The following DAB1 variants were observed in gnomAD, a reference collection of about 807,000 sequenced individuals.
DAB1 encodes DAB adaptor protein 1.
In DAB1, 15 loss-of-function variants were observed where a neutral mutation model predicts 64.6. That is an observed-to-expected ratio of 0.23 (90% CI 0.16 to 0.36). The LOEUF (loss-of-function observed/expected upper bound fraction) is 0.36, where lower values mean the gene tolerates loss of function less well. DAB1 is among the 10% of genes least tolerant of loss of function. The pLI, the probability that DAB1 is intolerant of heterozygous loss-of-function variation, is 1.00. For synonymous variants in DAB1, 235 were observed against 251.9 expected (o/e 0.93, Z 0.64); for missense variants, 596 against 706.7 (o/e 0.84, Z 1.78).
chr1:57,878,765 G>C (rs925772727), intron 1 of DAB1: 1 of 152,080 alleles, frequency 6.6e-6, no homozygotes, highest in Non-Finnish European at 1.5e-5. Flanking sequence ...TAGAACACTA[G>C]AACTTTTTTC....
At chr1:58,113,915 G>GC (rs554802657) in intron 5 of DAB1, among the ~76,000 whole-genome samples, 12 of 151,790 alleles carry the variant, frequency 7.9e-5, no homozygotes, top group East Asian at 5.8e-4. Context: ...ATAGGAAGGT[G>GC]CCCCCCCAAA....
At chr1:58,518,250 AGG>A (rs1646193323) in intron 2 of DAB1, among the ~76,000 whole-genome samples, 4 of 16,074 alleles carry the variant, frequency 2.5e-4, no homozygotes, top group African/African-American at 3.7e-4. Flanking sequence ...GAGAGGGGAG[AGG>A]GGAGAGGGGA....
At chr1:57,267,713 T>A (rs868557588) in intron 2 of DAB1, among the ~76,000 whole-genome samples, 11 of 152,190 alleles carry the variant, frequency 7.2e-5, no homozygotes, top group Non-Finnish European at 1.3e-4. Context: ...ACGGTAGGAC[T>A]GAGGTCCAGA....
chr1:58,000,401 G>T (rs954975162), intron 5 of DAB1, among the ~76,000 whole-genome samples: 1 of 151,976 alleles, frequency 6.6e-6, no homozygotes, highest in Non-Finnish European at 1.5e-5. Flanking sequence ...TATGTGTTTT[G>T]GCACATAAAC....
chr1:58,256,790 C>T (rs908853021), intron 4 of DAB1, among the ~76,000 whole-genome samples: 16 of 152,156 alleles, frequency 1.1e-4, no homozygotes, highest in African/African-American at 2.2e-4. Context: ...GACAAATGAA[C>T]GAACATGATG....
chr1:57,296,934 T>C (rs1471106992), intron 1 of DAB1, among the ~76,000 whole-genome samples: 1 of 152,212 alleles, frequency 6.6e-6, no homozygotes, highest in East Asian at 1.9e-4. Context: ...TCGCACTTAT[T>C]GTTTATCAGT....
chr1:58,541,319 A>C (rs1298521496), intron 1 of DAB1, among the ~76,000 whole-genome samples: 4 of 130,652 alleles, frequency 3.1e-5, no homozygotes, highest in Non-Finnish European at 6.8e-5. Context: ...AAAAAAAAAA[A>C]AAAAAAAAAA....
intron 6 of DAB1, among the ~76,000 whole-genome samples, chr1:57,788,383 ATAACCT>A (rs763904807): frequency 2.0e-5 from 3 of 152,236 alleles, no homozygotes; most frequent in Non-Finnish European, 4.4e-5. Flanking sequence ...AACAACATGA[ATAACCT>A]TAAAATCATT....
At chr1:58,234,630 A>G (rs1236107089) in intron 4 of DAB1, among the ~76,000 whole-genome samples, 2 of 151,954 alleles carry the variant, frequency 1.3e-5, no homozygotes, top group Admixed American at 6.5e-5. Context: ...GAAGGGCTCT[A>G]AGTCACTCAC....
chr1:57,724,863 C>T (rs928269529), intron 6 of DAB1, among the ~76,000 whole-genome samples: 11 of 152,202 alleles, frequency 7.2e-5, no homozygotes, highest in African/African-American at 2.7e-4. Context: ...CTTAGTGCCA[C>T]CTATGTGGCA....
At chr1:57,431,628 C>T (rs997347275) in intron 7 of DAB1, among the ~76,000 whole-genome samples, 5 of 152,148 alleles carry the variant, frequency 3.3e-5, no homozygotes, top group East Asian at 3.8e-4. Context: ...GAGCGGGTAG[C>T]GGACAGCAGC....
intron 4 of DAB1, among the ~76,000 whole-genome samples, chr1:58,218,111 C>G (rs1658951522): frequency 6.6e-6 from 1 of 152,100 alleles, no homozygotes; most frequent in Non-Finnish European, 1.5e-5. Context: ...AATACTCTAT[C>G]CTTGCCTTCT....
In DAB1 at chr1:57,074,222, T is replaced by C. The variant is rs183063772; in HGVS notation, c.307-1808A>G. Among the ~76,000 whole-genome samples, 208 of 152,354 alleles carry C rather than the reference T, an allele frequency of 1.4e-3. 1 individual carries two copies. Among genetic ancestry groups the C allele is most frequent in the African/African-American group, 4.8e-3 (200 of 41,596 alleles). ...TTGCTAATATTCCTTAGCTCATATT[T>C]GAGTATATTCTCTTACTGGCACTTA... is the stretch of plus-strand genomic sequence containing the variant. On this transcript the variant is annotated intron_variant, in intron 4 of 14. Transcript: ENST00000371236.
chr1:58,468,981 C>T (rs763155051), intron 3 of DAB1: 1 of 244,226 alleles, frequency 4.1e-6, no homozygotes, highest in Non-Finnish European at 6.6e-6. Context: ...CCTGGCTGAC[C>T]TTCTTTCATT....
At chr1:57,095,875 C>T (rs1422518717) in intron 4 of DAB1, among the ~76,000 whole-genome samples, 1 of 152,134 alleles carries the variant, frequency 6.6e-6, no homozygotes, top group Non-Finnish European at 1.5e-5. Flanking sequence ...AAATAAGTGA[C>T]ATAAAAGTGC....
intron 6 of DAB1, among the ~76,000 whole-genome samples, chr1:57,709,637 G>A (rs527255874): frequency 6.6e-6 from 1 of 152,202 alleles, no homozygotes; most frequent in South Asian, 2.1e-4. Flanking sequence ...CAGAGAAAAT[G>A]GGTTGCTGGT....
At chr1:57,528,040 T>C (rs1057362192) in intron 7 of DAB1, among the ~76,000 whole-genome samples, 1 of 152,060 alleles carries the variant, frequency 6.6e-6, no homozygotes, top group Non-Finnish European at 1.5e-5. Context: ...AAAATGAGAA[T>C]TCAATTGACT....
intron 2 of DAB1, among the ~76,000 whole-genome samples, chr1:57,244,934 G>A (rs553339191): frequency 1.3e-5 from 2 of 152,176 alleles, no homozygotes; most frequent in Non-Finnish European, 2.9e-5. Flanking sequence ...GTCAGGGGAC[G>A]GTACTGGTAG....
chr1:57,343,714 G>A (rs1298207883), intron 1 of DAB1, among the ~76,000 whole-genome samples: 3 of 152,206 alleles, frequency 2.0e-5, no homozygotes, highest in South Asian at 2.1e-4. Context: ...TGGGGTCCGC[G>A]GAGCCCACGC....
Sources: allele counts gnomAD v4.1 joint callset (sites outside exome capture counted in the v4.1 genomes callset), GRCh38; gene constraint gnomAD v4.1.1; transcripts MANE v1.5; gene names NCBI Gene and HGNC (gene_info 2026-07-23, HGNC 2026-07-21).